The following PRKN variants were observed in gnomAD, a reference collection of about 807,000 sequenced individuals.
PRKN encodes parkin RBR E3 ubiquitin protein ligase.
A neutral mutation model predicts 59.5 loss-of-function variants in PRKN; 56 were observed. That is an observed-to-expected ratio of 0.94 (90% CI 0.76 to 1.18). The LOEUF (loss-of-function observed/expected upper bound fraction) is 1.18. Ranked by LOEUF, PRKN falls within the 50% of genes most tolerant of loss-of-function variation. The pLI, the probability that PRKN is intolerant of heterozygous loss-of-function variation, is 0.00. For synonymous variants in PRKN, 250 were observed against 222.1 expected (o/e 1.13, Z -1.12); for missense variants, 657 against 596.4 (o/e 1.10, Z -1.06).
At chr6:161,403,866 C>T (rs1787152912) in intron 9 of PRKN, among the ~76,000 whole-genome samples, 1 of 152,174 alleles carries the variant, frequency 6.6e-6, no homozygotes, top group Non-Finnish European at 1.5e-5. Flanking sequence ...CTTTCTCTCT[C>T]TTTCACACAT....
At position 161,733,800 on chromosome 6, in the gene PRKN, A is replaced by ATG. The variant is rs1320657591; in HGVS notation, c.871+51971_871+51972insCA. 6.1e-3 allele frequency among the ~76,000 whole-genome samples: 244 copies of ATG among 39,870 alleles called. 2 individuals carry two copies. The highest frequency in any genetic ancestry group is 0.016 in the African/African-American group (204 of 13,088). The allele number at this position is 39,870 out of a possible 152,430, so 26.2% of individuals were successfully genotyped here. A position where few individuals can be genotyped will look rare whatever the true frequency, so the allele number is the denominator to read the frequency against. ...AAAAAAAAAATATATATATATATGT[A>ATG]TATATATATATATATATATATGTAT... On this transcript the variant is annotated intron_variant, in intron 7 of 11. Transcript: ENST00000366898.
intron 4 of PRKN, among the ~76,000 whole-genome samples, chr6:162,131,390 C>T (rs1308390487): frequency 6.6e-6 from 1 of 152,166 alleles, no homozygotes; most frequent in Non-Finnish European, 1.5e-5. Flanking sequence ...ACATTGTTTT[C>T]ATAGCACACA....
intron 1 of PRKN, among the ~76,000 whole-genome samples, chr6:162,519,737 A>G (rs1778011191): frequency 6.6e-6 from 1 of 152,194 alleles, no homozygotes; most frequent in East Asian, 1.9e-4. Context: ...TCTGATGCTT[A>G]ACCCATGACC....
At chr6:162,687,150 C>T (rs1777595523) in intron 1 of PRKN, among the ~76,000 whole-genome samples, 1 of 148,586 alleles carries the variant, frequency 6.7e-6, no homozygotes, top group African/African-American at 2.5e-5. Context: ...AATATTAATT[C>T]TTCTGATCTA....
intron 2 of PRKN, among the ~76,000 whole-genome samples, chr6:162,332,557 T>G (rs1215471082): frequency 6.6e-6 from 1 of 152,182 alleles, no homozygotes; most frequent in Non-Finnish European, 1.5e-5. Context: ...TGGCCCTTCA[T>G]GAAAAATTGG....
At chr6:162,550,022 T>C (rs1249860523) in intron 1 of PRKN, among the ~76,000 whole-genome samples, 2 of 152,202 alleles carry the variant, frequency 1.3e-5, no homozygotes, top group African/African-American at 4.8e-5. Context: ...TCACCGTTTG[T>C]CTGGTGTTTT....
rs901694910 is a variant in PRKN, at chr6:161,429,104, A to C, written c.1084-42227T>G. 6.6e-6 allele frequency among the ~76,000 whole-genome samples: 1 copy of C among 152,194 alleles called. No homozygotes were observed. The highest frequency in any genetic ancestry group is 2.4e-5 in the African/African-American group (1 of 41,426). On this transcript the variant is annotated intron_variant, in intron 9 of 11. Transcript: ENST00000366898. The surrounding 1 kb of genome is among the most constrained non-coding windows in gnomAD (Gnocchi z 4.2). ...GCAGATGGCACCTTTGCTAACCTTG[A>C]TTGTGCCTTGAGATATTCACCTTTC...
rs111595639 is a variant in PRKN, at chr6:162,024,194, C to CTTTTTTTTTTT, written c.618+29886_618+29896dup. ...CCCTTCCTCCCTCCCTCCCCCAACCCTTTTTTTTTTTTTTTTTTTTTTTGA... is the reference window on the plus strand; with the variant it reads ...CCCTTCCTCCCTCCCTCCCCCAACCCTTTTTTTTTTTTTTTTTTTTTTTTTTTTTTTTTTGA... On this transcript the variant is annotated intron_variant, in intron 5 of 11. Coordinates refer to ENST00000366898, the MANE Select transcript of PRKN (RefSeq NM_004562.3). Among the ~76,000 whole-genome samples, 4 of 82,062 alleles carry CTTTTTTTTTTT rather than the reference C, an allele frequency of 4.9e-5. 1 individual carries two copies. Among genetic ancestry groups the CTTTTTTTTTTT allele is most frequent in the African/African-American group, 1.0e-4 (2 of 19,872 alleles). The allele number at this position is 82,062 out of a possible 152,430, so 53.8% of individuals were successfully genotyped here. A position where few individuals can be genotyped will look rare whatever the true frequency, so the allele number is the denominator to read the frequency against.
At chr6:162,271,014 T>TA (rs1392100726) in intron 2 of PRKN, among the ~76,000 whole-genome samples, 2 of 136,566 alleles carry the variant, frequency 1.5e-5, no homozygotes, top group South Asian at 2.4e-4. Context: ...GCTAATTTTC[T>TA]AGTTTTTTTT....
At chr6:161,952,719 A>G in intron 6 of PRKN, among the ~76,000 whole-genome samples, 1 of 152,230 alleles carries the variant, frequency 6.6e-6, no homozygotes, top group Admixed American at 6.5e-5. Context: ...GGAGGGGAGA[A>G]CCCAAGAGAG....
At chr6:162,426,136 GAAC>G (rs1234907122) in intron 2 of PRKN, among the ~76,000 whole-genome samples, 3 of 152,120 alleles carry the variant, frequency 2.0e-5, no homozygotes, top group Non-Finnish European at 2.9e-5. Flanking sequence ...TATTCCTAAA[GAAC>G]AACAAGGTGG....
chr6:162,624,798 G>A (rs1422731971), intron 1 of PRKN, among the ~76,000 whole-genome samples: 1 of 152,158 alleles, frequency 6.6e-6, no homozygotes, highest in Non-Finnish European at 1.5e-5. Flanking sequence ...TGGGATTACA[G>A]GTGTGAGACA....
intron 9 of PRKN, among the ~76,000 whole-genome samples, chr6:161,432,512 G>A (rs372929546): frequency 7.4e-5 from 11 of 149,602 alleles, no homozygotes; most frequent in East Asian, 5.9e-4. Context: ...ACAGGCGCCC[G>A]CCATCACCAT....
chr6:162,658,533 T>C (rs575897732), intron 1 of PRKN, among the ~76,000 whole-genome samples: 22 of 150,362 alleles, frequency 1.5e-4, no homozygotes, highest in African/African-American at 5.4e-4. Context: ...TGATGGCGGG[T>C]GACTGTAATC....
At chr6:161,922,226 T>C (rs913902508) in intron 6 of PRKN, among the ~76,000 whole-genome samples, 10 of 152,166 alleles carry the variant, frequency 6.6e-5, no homozygotes, top group African/African-American at 2.4e-4. Flanking sequence ...AGGCCTCACT[T>C]CTCTTCCTTG....
At chr6:162,515,753 G>C (rs1182509364) in intron 1 of PRKN, among the ~76,000 whole-genome samples, 1 of 151,646 alleles carries the variant, frequency 6.6e-6, no homozygotes, top group Admixed American at 6.6e-5. Context: ...GTTCTTTTCT[G>C]TTCATGGAGT....
Position 162,403,801 on chromosome 6 carries a change from T to C in PRKN, c.171+39509A>G, listed in dbSNP as rs533629073. 3.9e-5 allele frequency among the ~76,000 whole-genome samples: 6 copies of C among 152,222 alleles called. No homozygotes were observed. The East Asian group carries it at 9.7e-4, about 25-fold the overall frequency. Reference sequence around the variant, plus strand: ...TGTAATTACATGGGCGGGGAAATCATGGAGTTTTGTGGGAGGAAGGCCAAT... The same window carrying C: ...TGTAATTACATGGGCGGGGAAATCACGGAGTTTTGTGGGAGGAAGGCCAAT... On this transcript the variant is annotated intron_variant, in intron 2 of 11. Coordinates refer to ENST00000366898, the MANE Select transcript of PRKN (RefSeq NM_004562.3).
chr6:161,576,307 T>C lies in PRKN; in HGVS notation c.872-6891A>G, dbSNP rs1017757050. On this transcript the variant is annotated intron_variant, in intron 7 of 11. Transcript: ENST00000366898. The surrounding 1 kb of genome is among the most constrained non-coding windows in gnomAD (Gnocchi z 4.6). ...TCATGCATTCTTTCTCCGTAGCCAA[T>C]ACTTGCTGTCTCAAGATATCCTAAG... Among the ~76,000 whole-genome samples the C allele has an allele frequency of 3.9e-5, 6 of 152,232 alleles. No individual in the cohort carries two copies. The highest frequency in any genetic ancestry group is 1.2e-4 in the African/African-American group (5 of 41,472).
chr6:162,084,871 C>A (rs1415317625), intron 4 of PRKN, among the ~76,000 whole-genome samples: 2 of 151,682 alleles, frequency 1.3e-5, no homozygotes, highest in African/African-American at 4.9e-5. Context: ...ACAATTAGGA[C>A]AAAATATTCC....
Sources: allele counts gnomAD v4.1 joint callset (sites outside exome capture counted in the v4.1 genomes callset), GRCh38; gene constraint gnomAD v4.1.1; non-coding constraint Gnocchi (gnomAD v3.1); transcripts MANE v1.5; gene names NCBI Gene and HGNC (gene_info 2026-07-23, HGNC 2026-07-21).